The following ADAMTS9 variants were observed in gnomAD, a reference collection of about 807,000 sequenced individuals.
ADAMTS9 encodes A disintegrin and metalloproteinase with thrombospondin motifs 9.
A neutral mutation model predicts 257.1 loss-of-function variants in ADAMTS9; 107 were observed. The ratio of observed to expected loss-of-function variants is 0.42; its 90% confidence interval spans 0.36 to 0.49. ADAMTS9 has a LOEUF of 0.49. Ranked by LOEUF, ADAMTS9 falls within the 20% of genes least tolerant of loss-of-function variation. The pLI, the probability that ADAMTS9 is intolerant of heterozygous loss-of-function variation, is 0.03. For missense variants in ADAMTS9, 2,353 were observed against 2,469.1 expected (o/e 0.95, Z 1.00); for synonymous variants, 982 against 880.9 (o/e 1.11, Z -2.03).
intron 11 of ADAMTS9, 131 bp from the exon 12 acceptor site, chr3:64,642,124 C>T: frequency 2.9e-6 from 3 of 1,027,680 alleles, no homozygotes; most frequent in Non-Finnish European, 4.3e-6. Flanking sequence ...GGTTCATCAT[C>T]TATATGAATA....
chr3:64,576,437 G>A (rs2083849963), intron 28 of ADAMTS9, among the ~76,000 whole-genome samples: 1 of 152,120 alleles, frequency 6.6e-6, no homozygotes, highest in African/African-American at 2.4e-5. Context: ...CTCAGGGGAG[G>A]TTTTACAGGC....
At chr3:64,680,424 A>G (rs980519897) in intron 3 of ADAMTS9, among the ~76,000 whole-genome samples, 3 of 152,212 alleles carry the variant, frequency 2.0e-5, no homozygotes, top group Non-Finnish European at 4.4e-5. Flanking sequence ...GAATTATTTC[A>G]TAGGATAACC....
chr3:64,569,659 A>C (rs1233611468), intron 28 of ADAMTS9, among the ~76,000 whole-genome samples: 1 of 152,210 alleles, frequency 6.6e-6, no homozygotes, highest in African/African-American at 2.4e-5. Context: ...TCATAAATGT[A>C]CCAGACATGT....
intron 3 of ADAMTS9, among the ~76,000 whole-genome samples, chr3:64,676,743 G>A (rs945550722): frequency 1.3e-5 from 2 of 152,098 alleles, no homozygotes; most frequent in South Asian, 2.1e-4. Flanking sequence ...ACTGGATCTC[G>A]TTCATAAACA....
intron 11 of ADAMTS9, among the ~76,000 whole-genome samples, chr3:64,647,115 A>G (rs1700815037): frequency 6.6e-6 from 1 of 152,234 alleles, no homozygotes; most frequent in Admixed American, 6.5e-5. Flanking sequence ...GGAAAAATAT[A>G]TATAAGGATA....
intron 28 of ADAMTS9, among the ~76,000 whole-genome samples, chr3:64,576,065 C>T (rs754784710): frequency 6.6e-6 from 1 of 152,170 alleles, no homozygotes; most frequent in Non-Finnish European, 1.5e-5. Context: ...AATCAATCCA[C>T]AGAGCAGTTA....
intron 28 of ADAMTS9, among the ~76,000 whole-genome samples, chr3:64,579,972 CCCT>C (rs2083953264): frequency 6.6e-6 from 1 of 152,128 alleles, no homozygotes; most frequent in Admixed American, 6.6e-5. Flanking sequence ...TACTACACTG[CCCT>C]GTAAATGCAA....
intron 22 of ADAMTS9, among the ~76,000 whole-genome samples, chr3:64,611,228 A>C (rs969189154): frequency 2.0e-5 from 3 of 152,204 alleles, no homozygotes; most frequent in African/African-American, 7.2e-5. Flanking sequence ...ACAATAGCCA[A>C]AGGTAGAAAC....
intron 37 of ADAMTS9, among the ~76,000 whole-genome samples, chr3:64,533,617 TCCTG>T (rs2083010322): frequency 6.6e-6 from 1 of 152,216 alleles, no homozygotes; most frequent in African/African-American, 2.4e-5. Context: ...AACACAGCAG[TCCTG>T]ATGTTGCTCA....
chr3:64,669,670 C>G (rs566304545), intron 3 of ADAMTS9, among the ~76,000 whole-genome samples: 3 of 152,256 alleles, frequency 2.0e-5, no homozygotes, highest in Admixed American at 1.3e-4. Context: ...GCCACTGTCA[C>G]TGTCAGAAAG....
chr3:64,657,365 C>G (rs144567235), intron 4 of ADAMTS9, among the ~76,000 whole-genome samples: 38 of 152,220 alleles, frequency 2.5e-4, no homozygotes, highest in Non-Finnish European at 1.9e-4. Flanking sequence ...GAGGCAGGGT[C>G]TCACTCTGTC....
At chr3:64,665,208 C>T (rs1576175660) in intron 3 of ADAMTS9, among the ~76,000 whole-genome samples, 1 of 152,200 alleles carries the variant, frequency 6.6e-6, no homozygotes, top group African/African-American at 2.4e-5. Flanking sequence ...CATTTTATTA[C>T]AAGGACATGA....
chr3:64,632,583 A>G (rs1700392740), intron 14 of ADAMTS9, among the ~76,000 whole-genome samples: 1 of 152,236 alleles, frequency 6.6e-6, no homozygotes, highest in South Asian at 2.1e-4. Flanking sequence ...CAATGCAGCC[A>G]TGTACACTGA....
intron 15 of ADAMTS9, 91 bp downstream of exon 15, chr3:64,631,717 C>G: frequency 2.3e-6 from 3 of 1,282,548 alleles, no homozygotes; most frequent in South Asian, 2.5e-5. Context: ...TTTTTATGCT[C>G]GACATTAATA....
At chr3:64,552,620 T>C (rs2083284355) in intron 30 of ADAMTS9, among the ~76,000 whole-genome samples, 1 of 151,878 alleles carries the variant, frequency 6.6e-6, no homozygotes, top group East Asian at 1.9e-4. Flanking sequence ...TTGCTCATGT[T>C]GGAGTGCAGT....
At chr3:64,631,627 A>G (rs1381640437) in intron 15 of ADAMTS9, 77 bp from the exon 16 acceptor site, 14 of 1,332,252 alleles carry the variant, frequency 1.1e-5, no homozygotes, top group Non-Finnish European at 1.5e-5. Context: ...AAAGTGGACA[A>G]CAAAGGAATA....
intron 31 of ADAMTS9, among the ~76,000 whole-genome samples, chr3:64,547,996 G>A (rs981744765): frequency 1.3e-5 from 2 of 152,110 alleles, no homozygotes; most frequent in East Asian, 3.9e-4. Context: ...GTAGAGTGCC[G>A]GTATTCTCTA....
intron 20 of ADAMTS9, among the ~76,000 whole-genome samples, 163 bp downstream of exon 20, chr3:64,615,797 C>A (rs932645806): frequency 6.6e-5 from 10 of 152,172 alleles, no homozygotes; most frequent in African/African-American, 2.4e-4. Context: ...TACAAATCAA[C>A]CATGCTACTC....
In ADAMTS9 at chr3:64,687,538, G is replaced by A. The variant is rs1466620793; in HGVS notation, c.115+5C>T. ...GCGGGGTCCCGGGGGCCGGAGCCTG[G>A]TTACCTTGCCTCGGGTGCAGCCTGT... On this transcript the variant is annotated splice_donor_5th_base_variant and intron_variant, in intron 1 of 39. Coordinates refer to ENST00000498707, the MANE Select transcript of ADAMTS9 (RefSeq NM_182920.2). This position sits in a 1 kb window ranked among gnomAD's most constrained non-coding sequence, Gnocchi z 4.4. 3.3e-6 allele frequency: 5 copies of A among 1,530,822 alleles called. No individual in the cohort carries two copies. The South Asian group carries it at 6.1e-5, about 19-fold the overall frequency. The allele number at this position is 1,530,822 out of a possible 1,614,324, so 94.8% of individuals were successfully genotyped here. A position where few individuals can be genotyped will look rare whatever the true frequency, so the allele number is the denominator to read the frequency against.
Sources: allele counts gnomAD v4.1 joint callset (sites outside exome capture counted in the v4.1 genomes callset), GRCh38; gene constraint gnomAD v4.1.1; non-coding constraint Gnocchi (gnomAD v3.1); transcripts MANE v1.5; gene names NCBI Gene and HGNC (gene_info 2026-07-23, HGNC 2026-07-21).